Variants in ATP10B observed in about 807,000 individuals in gnomAD.
ATP10B encodes the protein ATPase phospholipid transporting 10B (putative).
In ATP10B, 122 loss-of-function variants were observed where a neutral mutation model predicts 141.2. That is an observed-to-expected ratio of 0.86 (90% confidence interval 0.75 to 1.00). ATP10B has a LOEUF of 1.00. ATP10B is among the 50% of genes least tolerant of loss of function. The probability of loss-of-function intolerance (pLI) is 0.00; values close to 1 mark genes in which losing one functional copy is unlikely to be tolerated. For synonymous variants in ATP10B, 685 were observed against 692.0 expected, an observed-to-expected ratio of 0.99 and a Z score of 0.16; for missense variants, 1,876 against 1,825.3, an observed-to-expected ratio of 1.03 and a Z score of -0.51.
chr5:160,571,238 G>C (rs1464169965), intron 24 of ATP10B, among the ~76,000 whole-genome samples: 1 of 151,808 alleles, frequency 6.6e-6, no homozygotes, highest in Non-Finnish European at 1.5e-5. Flanking sequence ...TCTTAATATT[G>C]CTTCTATAAT....
chr5:160,915,336 CTTT>C, the ATP10B span, among the ~76,000 whole-genome samples: 1 of 145,162 alleles, frequency 6.9e-6, no homozygotes, highest in Non-Finnish European at 1.5e-5. Context: ...AGCACACTGA[CTTT>C]TTTTTTTTTT....
intron 1 of ATP10B, among the ~76,000 whole-genome samples, chr5:160,843,473 G>A (rs1248869525): frequency 2.0e-5 from 3 of 150,956 alleles, no homozygotes; most frequent in African/African-American, 7.3e-5. Context: ...GAGTATCTAA[G>A]CAAACACGTA....
chr5:160,591,948 T>C (rs1203561503), intron 22 of ATP10B, among the ~76,000 whole-genome samples: 2 of 152,184 alleles, frequency 1.3e-5, no homozygotes, highest in Non-Finnish European at 2.9e-5. Context: ...AGATCTCAAA[T>C]ACTACACTTG....
At chr5:160,917,406 A>C in the ATP10B span, among the ~76,000 whole-genome samples, 1 of 151,780 alleles carries the variant, frequency 6.6e-6, no homozygotes, top group East Asian at 1.9e-4. Context: ...TGGATGTTTA[A>C]ACACCTCTAA....
intron 1 of ATP10B, among the ~76,000 whole-genome samples, chr5:160,828,225 T>C (rs1774782712): frequency 1.3e-5 from 2 of 152,168 alleles, no homozygotes; most frequent in South Asian, 4.1e-4. Flanking sequence ...CTAATTAAAC[T>C]AAAGAGCTTC....
chr5:160,707,684 G>A (rs991562198), intron 3 of ATP10B, among the ~76,000 whole-genome samples: 2 of 152,258 alleles, frequency 1.3e-5, no homozygotes, highest in South Asian at 4.2e-4. Context: ...TCAGATGAGT[G>A]GAAGAGAATC....
rs563667344 is a variant in ATP10B, at chr5:160,783,369, T to C, written c.-331+2190A>G. 4.2e-3 allele frequency among the ~76,000 whole-genome samples: 602 copies of C among 142,118 alleles called. 2 individuals are homozygous for C. The highest frequency in any genetic ancestry group is 7.6e-3 in the Non-Finnish European group (497 of 65,716). The allele number at this position is 142,118 out of a possible 152,430, so 93.2% of individuals were successfully genotyped here. On this transcript the variant is annotated intron_variant, in intron 2 of 25. Coordinates refer to ENST00000327245, the MANE Select transcript of ATP10B (RefSeq NM_025153.3). ...TAATTCATTCCTTTTTATAGCTGAG[T>C]AGTATTTCATCATATATATATATAT...
chr5:160,801,339 T>G (rs1330038003), intron 1 of ATP10B, among the ~76,000 whole-genome samples: 1 of 152,188 alleles, frequency 6.6e-6, no homozygotes, highest in Non-Finnish European at 1.5e-5. Flanking sequence ...GTCCTCCAGG[T>G]AAACAGCTCC....
rs959067145 is a variant in ATP10B at position 160,641,117 on chromosome 5, C to G, written c.869-525G>C. On this transcript the variant is annotated intron_variant, in intron 9 of 25. Coordinates refer to ENST00000327245, the MANE Select transcript of ATP10B (RefSeq NM_025153.3). ...TAAGTCCTATGAAATAAATAATATA[C>G]AGTAAACAAAAGGCCAAGGTGGAAA... Among the ~76,000 whole-genome samples the G allele has an allele frequency of 3.3e-5, 5 of 152,210 alleles. No individual in the cohort carries two copies. The East Asian group carries it at 9.7e-4, about 29-fold the overall frequency.
chr5:160,892,265 A>G, the ATP10B span, among the ~76,000 whole-genome samples: 1 of 152,130 alleles, frequency 6.6e-6, no homozygotes. Context: ...CTGTATTCTC[A>G]GGCCTCTCCC....
chr5:160,843,192 G>A (rs372737191), intron 1 of ATP10B, among the ~76,000 whole-genome samples: 1 of 152,018 alleles, frequency 6.6e-6, no homozygotes, highest in African/African-American at 2.4e-5. Flanking sequence ...ACATAAAGAG[G>A]TTTAGAAAAA....
At chr5:160,815,737 A>T (rs4334920) in intron 1 of ATP10B, among the ~76,000 whole-genome samples, 51,765 of 152,018 alleles carry the variant, frequency 0.34, 9,842 homozygotes, top group East Asian at 0.44. Flanking sequence ...CAATACCTAT[A>T]CCAAAATTGA....
the ATP10B span, among the ~76,000 whole-genome samples, chr5:160,886,814 G>A: frequency 1.3e-5 from 2 of 152,162 alleles, no homozygotes; most frequent in African/African-American, 2.4e-5. Context: ...AACCATATAA[G>A]ATAGAGACTA....
At chr5:160,614,534 C>G (rs986148809) in intron 17 of ATP10B, 1 of 152,202 alleles carries the variant, frequency 6.6e-6, no homozygotes. Flanking sequence ...TCTGGCCCAG[C>G]CATCCTCTGG....
chr5:160,607,379 A>G (rs1457184582), intron 18 of ATP10B, among the ~76,000 whole-genome samples: 1 of 152,208 alleles, frequency 6.6e-6, no homozygotes, highest in Non-Finnish European at 1.5e-5. Flanking sequence ...AAATAATACT[A>G]ATATAATGGT....
intron 1 of ATP10B, among the ~76,000 whole-genome samples, chr5:160,789,242 T>A (rs1210817903): frequency 6.6e-6 from 1 of 152,106 alleles, no homozygotes; most frequent in Non-Finnish European, 1.5e-5. Flanking sequence ...TGAACTAACA[T>A]TAAGTGCTAA....
At chr5:160,745,176 G>T (rs763493116) in intron 2 of ATP10B, among the ~76,000 whole-genome samples, 21 of 152,190 alleles carry the variant, frequency 1.4e-4, no homozygotes, top group Non-Finnish European at 2.8e-4. Context: ...AGTAAAACAT[G>T]ATGAACACCA....
At chr5:160,609,899 C>T (rs1465050321) in intron 18 of ATP10B, among the ~76,000 whole-genome samples, 2 of 152,138 alleles carry the variant, frequency 1.3e-5, no homozygotes, top group African/African-American at 4.8e-5. Context: ...TATATAAATT[C>T]CTCCAATATA....
the ATP10B span, among the ~76,000 whole-genome samples, chr5:160,899,510 G>T: frequency 6.6e-6 from 1 of 151,986 alleles, no homozygotes; most frequent in African/African-American, 2.4e-5. Context: ...GTTACAAATT[G>T]TATGTTTTTA....
Sources: gnomAD v4.1 joint callset for allele counts (sites outside exome capture counted in the v4.1 genomes callset) on GRCh38, gnomAD v4.1.1 for gene constraint, MANE v1.5 for transcripts, NCBI Gene and HGNC (gene_info 2026-07-23, HGNC 2026-07-21) for gene names.